CENPE: variants seen among roughly 807,000 people sequenced by gnomAD.
The protein encoded by CENPE is centromere-associated protein E.
In CENPE, 145 loss-of-function variants were observed where a neutral mutation model predicts 336.1. That is an observed-to-expected ratio of 0.43 (90% CI 0.38 to 0.50). The LOEUF is 0.50. Among genes scored for constraint, CENPE ranks in the 20% least tolerant of loss-of-function variants. CENPE has a pLI of 0.00. For synonymous variants in CENPE, 1,013 were observed against 984.8 expected, an observed-to-expected ratio of 1.03 and a Z score of -0.54; for missense variants, 2,719 against 3,023.3, an observed-to-expected ratio of 0.90 and a Z score of 2.36.
intron 35 of CENPE, among the ~76,000 whole-genome samples, chr4:103,141,436 C>T (rs555305623): frequency 6.6e-6 from 1 of 152,204 alleles, no homozygotes; most frequent in East Asian, 1.9e-4. Flanking sequence ...TTCAGTTTTG[C>T]CTGCTTTTGA....
At chr4:103,111,904 T>C (rs1401182526) in intron 46 of CENPE, among the ~76,000 whole-genome samples, 1 of 152,096 alleles carries the variant, frequency 6.6e-6, no homozygotes, top group African/African-American at 2.4e-5. Context: ...TATCATCTTA[T>C]GTTTTGCTTA....
In CENPE at chr4:103,148,844, C is replaced by G; in HGVS notation, c.3843G>C (p.Glu1281Asp). The change falls in exon 28 of 49, where the codon GAG becomes GAC. Residue 1281 changes from glutamate to aspartate, a missense_variant and splice_region_variant. Physicochemically the swap from Glu to Asp is conservative, Grantham distance 45. This residue lies in a region of CENPE where 2,437 missense variants were observed against 2,513.3 expected (regional missense o/e 0.97). Coordinates refer to ENST00000265148, the MANE Select transcript of CENPE (RefSeq NM_001813.3). The stretch of plus-strand genomic sequence containing the variant: ...AGGATGAAAGGAATAAAAGACATAC[C>G]TCTTCTTGTAATTTGGTATGGGATT... ...LEKSHTKLQE[E>D]IPVLHEEQEL... The G allele has an allele frequency of 6.2e-7, 1 of 1,609,724 alleles. No homozygotes were observed. The highest frequency in any genetic ancestry group is 8.5e-7 in the Non-Finnish European group (1 of 1,178,162).
At chr4:103,165,347 C>T (rs890322970) in intron 16 of CENPE, among the ~76,000 whole-genome samples, 1 of 152,060 alleles carries the variant, frequency 6.6e-6, no homozygotes, top group Non-Finnish European at 1.5e-5. Context: ...TTTTCTCATT[C>T]CTCGAGTATG....
intron 47 of CENPE, among the ~76,000 whole-genome samples, chr4:103,110,319 TTTTG>T (rs1447124109): frequency 1.3e-5 from 2 of 152,126 alleles, no homozygotes; most frequent in Non-Finnish European, 2.9e-5. Context: ...ATAATGTCCT[TTTTG>T]TTTTTGTTTC....
At chr4:103,118,831 A>G (rs528050847) in intron 44 of CENPE, among the ~76,000 whole-genome samples, 7 of 152,162 alleles carry the variant, frequency 4.6e-5, no homozygotes, top group Non-Finnish European at 1.0e-4. Flanking sequence ...TAGAAATGAG[A>G]GTTCTTAAAA....
intron 11 of CENPE, among the ~76,000 whole-genome samples, 175 bp downstream of exon 11, chr4:103,182,587 G>T (rs1416243196): frequency 1.3e-5 from 2 of 152,208 alleles, no homozygotes; most frequent in Admixed American, 1.3e-4. Flanking sequence ...ATGAAGGTAA[G>T]ATACAAATAA....
At chr4:103,185,926 G>T in intron 8 of CENPE, 65 bp from the exon 9 acceptor site, 1 of 1,097,156 alleles carries the variant, frequency 9.1e-7, no homozygotes, top group South Asian at 1.3e-5. Context: ...TCAAACTACT[G>T]AAAGAACATT....
Position 103,106,152 on chromosome 4 carries a change from G to A in CENPE, c.*70C>T, listed in dbSNP as rs1748878052. ...GCTGCACTACAACATCATTACCAGG[G>A]ATAGACACATAAACAAAGTCATTTC... On this transcript the variant is annotated 3_prime_UTR_variant, in exon 49 of 49. Coordinates refer to ENST00000265148, the MANE Select transcript of CENPE (RefSeq NM_001813.3). 3.0e-6 allele frequency: 3 copies of A among 1,012,994 alleles called. No individual in the cohort carries two copies. In the East Asian group the frequency reaches 7.9e-5, roughly 27 times the overall value. 62.8% of individuals were successfully genotyped at this position (1,012,994 alleles called of 1,614,324 possible).
At position 103,149,260 on chromosome 4, in the gene CENPE, A is replaced by G; in HGVS notation, c.3545T>C (p.Leu1182Pro). Residue 1182 changes from leucine (L) to proline (P), a missense_variant, in exon 27 of 49, where the codon CTT becomes CCT. Transcript: ENST00000265148. ...LTLEHMETER[L>P]ELAQKLNENY... ...TTCATTAAGTTTCTGAGCCAACTCA[A>G]GCCTCTCTGTTTCCATATGTTCCAA... is the stretch of plus-strand genomic sequence containing the variant. 6.2e-7 allele frequency: 1 copy of G among 1,613,164 alleles called. No individual in the cohort carries two copies. Among genetic ancestry groups the G allele is most frequent in the South Asian group, 1.1e-5 (1 of 90,970 alleles).
chr4:103,187,114 C>A (rs562195296), intron 8 of CENPE, among the ~76,000 whole-genome samples: 242 of 152,172 alleles, frequency 1.6e-3, no homozygotes, highest in Admixed American at 2.7e-3. Flanking sequence ...GTAATAGAAC[C>A]CTGCCTTGCT....
rs1252015403 is a variant in CENPE at position 103,189,423 on chromosome 4, C to T, written c.694-3562G>A. Reference sequence around the variant, plus strand: ...TACTGGCAAACAGAATCCAGCAGCACATCAAAAAGCTTATCCACCATGATC... The same window carrying T: ...TACTGGCAAACAGAATCCAGCAGCATATCAAAAAGCTTATCCACCATGATC... On this transcript the variant is annotated intron_variant, in intron 8 of 48. Coordinates refer to ENST00000265148, the MANE Select transcript of CENPE (RefSeq NM_001813.3). 2.6e-5 allele frequency among the ~76,000 whole-genome samples: 4 copies of T among 152,276 alleles called. No homozygotes were observed. The South Asian group carries it at 6.2e-4, about 24-fold the overall frequency.
Position 103,117,271 on chromosome 4 carries a change from G to T in CENPE, c.7330-582C>A, listed in dbSNP as rs138366920. Among the ~76,000 whole-genome samples, 200 of 152,164 alleles carry T rather than the reference G, an allele frequency of 1.3e-3. 2 individuals carry two copies. Among genetic ancestry groups the T allele is most frequent in the African/African-American group, 4.6e-3 (193 of 41,524 alleles). On this transcript the variant is annotated intron_variant, in intron 44 of 48. Transcript: ENST00000265148. ...TTCCCCATATTAACATCATGCATTA[G>T]TATGCTGCATTTGTTATAAGTGATG...
At chr4:103,114,667 G>C (rs1230008257) in intron 45 of CENPE, 115 bp from the exon 46 acceptor site, 20 of 667,368 alleles carry the variant, frequency 3.0e-5, no homozygotes, top group Non-Finnish European at 5.2e-5. Context: ...ATGCCTGTAA[G>C]TGGCAGTAGA....
intron 31 of CENPE, 46 bp from the exon 32 acceptor site, chr4:103,145,380 AAC>A (rs146614886): frequency 1.8e-3 from 2,439 of 1,335,686 alleles, no homozygotes; most frequent in South Asian, 2.4e-3. Flanking sequence ...AAAATATGTA[AAC>A]ACACACACAC....
intron 45 of CENPE, among the ~76,000 whole-genome samples, chr4:103,115,508 A>G (rs1750015835): frequency 6.6e-6 from 1 of 152,198 alleles, no homozygotes; most frequent in Admixed American, 6.5e-5. Flanking sequence ...ACTGAAACCA[A>G]TAGACTGCTT....
intron 35 of CENPE, among the ~76,000 whole-genome samples, chr4:103,141,402 C>T (rs541325422): frequency 6.6e-6 from 1 of 152,090 alleles, no homozygotes; most frequent in African/African-American, 2.4e-5. Flanking sequence ...GAGACAGCCA[C>T]TATTCTGACC....
At chr4:103,167,820 T>C (rs1360931084) in intron 16 of CENPE, among the ~76,000 whole-genome samples, 1 of 152,208 alleles carries the variant, frequency 6.6e-6, no homozygotes, top group African/African-American at 2.4e-5. Flanking sequence ...GCCTAGAGTC[T>C]GCAACCAAAA....
At chr4:103,181,034 C>T (rs553529617) in intron 12 of CENPE, among the ~76,000 whole-genome samples, 184 of 152,152 alleles carry the variant, frequency 1.2e-3, no homozygotes, top group Non-Finnish European at 2.1e-3. Context: ...TCTTTTTAAT[C>T]GAATTCATAT....
intron 46 of CENPE, among the ~76,000 whole-genome samples, chr4:103,113,900 TGACA>T (rs1749836308): frequency 1.3e-5 from 2 of 151,956 alleles, no homozygotes; most frequent in South Asian, 4.1e-4. Flanking sequence ...AAATGGAACA[TGACA>T]GACAGAATAT....
Sources: gnomAD v4.1 joint callset for allele counts (sites outside exome capture counted in the v4.1 genomes callset) on GRCh38, gnomAD v4.1.1 for gene constraint, gnomAD v4.1.1 regional missense constraint, MANE v1.5 for transcripts, NCBI Gene and HGNC (gene_info 2026-07-23, HGNC 2026-07-21) for gene names.